FUBP3: variants seen among roughly 807,000 people sequenced by gnomAD.
The protein encoded by FUBP3 is far upstream element-binding protein 3.
FUBP3 carries 28 observed loss-of-function variants against 85.6 expected under a neutral mutation model. The ratio of observed to expected loss-of-function variants is 0.33; its 90% CI spans 0.24 to 0.45. The LOEUF (loss-of-function observed/expected upper bound fraction) is 0.45, where lower values mean the gene tolerates loss of function less well. Among genes scored for constraint, FUBP3 ranks in the 20% least tolerant of loss-of-function variants. The probability of loss-of-function intolerance (pLI) is 1.00; values close to 1 mark genes in which losing one functional copy is unlikely to be tolerated. For synonymous variants in FUBP3, 271 were observed against 271.4 expected, an observed-to-expected ratio of 1.00 and a Z score of 0.01; for missense variants, 583 against 755.1, an observed-to-expected ratio of 0.77 and a Z score of 2.67.
At chr9:130,627,871 A>G (rs1224083876) in intron 12 of FUBP3, among the ~76,000 whole-genome samples, 1 of 152,150 alleles carries the variant, frequency 6.6e-6, no homozygotes, top group Non-Finnish European at 1.5e-5. Flanking sequence ...CCTCACCATG[A>G]CAGGTTCTCA....
chr9:130,580,371 T>C (rs891053187), intron 1 of FUBP3, among the ~76,000 whole-genome samples: 1 of 152,224 alleles, frequency 6.6e-6, no homozygotes, highest in African/African-American at 2.4e-5. Flanking sequence ...CTTTACTGTC[T>C]GACAATGTCG....
chr9:130,623,721 G>A lies in FUBP3; in HGVS notation c.975+10G>A. ...GATTCTTACAGCCCAGGTGGGTCCA[G>A]CTCTGCAGAGTGTGAGTGTTTGGGC... On this transcript the variant is annotated intron_variant, in intron 11 of 18. Coordinates refer to ENST00000319725, the MANE Select transcript of FUBP3 (RefSeq NM_003934.2). 1 of 1,578,174 alleles carries A rather than the reference G, an allele frequency of 6.3e-7. No individual in the cohort carries two copies. Among genetic ancestry groups the A allele is most frequent in the Non-Finnish European group, 8.7e-7 (1 of 1,147,800 alleles).
At position 130,600,758 on chromosome 9, in the gene FUBP3, C is replaced by T. The variant is rs140017215; in HGVS notation, c.190+5170C>T. On this transcript the variant is annotated intron_variant, in intron 2 of 18. Transcript: ENST00000319725. The stretch of plus-strand genomic sequence containing the variant: ...GAGGCCGAGGTGGGAGGATTGCTTG[C>T]GTCCAGGAGTTTGAGACCAGCCTGG... Among the ~76,000 whole-genome samples the T allele has an allele frequency of 6.1e-3, 924 of 151,992 alleles. 14 individuals carry two copies. The highest frequency in any genetic ancestry group is 0.021 in the African/African-American group (876 of 41,486).
chr9:130,636,223 G>C, intron 18 of FUBP3, 97 bp downstream of exon 18: 1 of 1,272,388 alleles, frequency 7.9e-7, no homozygotes, highest in Middle Eastern at 2.0e-4. Context: ...AGAGCGCTGG[G>C]CTAGGAGGAA....
intron 1 of FUBP3, among the ~76,000 whole-genome samples, chr9:130,584,875 A>T (rs867587771): frequency 4.6e-5 from 7 of 150,560 alleles, no homozygotes; most frequent in Non-Finnish European, 8.9e-5. Context: ...TCCCAAAAAA[A>T]GTTTCGGTCA....
intron 1 of FUBP3, among the ~76,000 whole-genome samples, chr9:130,585,257 TGC>T (rs1190881394): frequency 1.3e-5 from 2 of 152,228 alleles, no homozygotes; most frequent in Non-Finnish European, 2.9e-5. Context: ...GAGTAGCTGC[TGC>T]GTTTTTGACA....
chr9:130,614,965 C>T (rs1406049862), intron 6 of FUBP3, among the ~76,000 whole-genome samples: 1 of 152,186 alleles, frequency 6.6e-6, no homozygotes, highest in African/African-American at 2.4e-5. Flanking sequence ...GAAAGGGAAA[C>T]ATACTGACTT....
chr9:130,623,590 G>A (rs749388894), intron 10 of FUBP3, 21 bp from the exon 11 acceptor site: 3 of 1,500,270 alleles, frequency 2.0e-6, no homozygotes, highest in East Asian at 2.3e-5. Context: ...TTCTAATCCT[G>A]TCTCTCACCT....
chr9:130,583,837 G>A (rs750083289), intron 1 of FUBP3, among the ~76,000 whole-genome samples: 2 of 152,236 alleles, frequency 1.3e-5, no homozygotes, highest in East Asian at 1.9e-4. Flanking sequence ...ATATTCCACT[G>A]TATGTCTCTA....
intron 1 of FUBP3, among the ~76,000 whole-genome samples, chr9:130,589,698 TATATA>T (rs1171717254): frequency 5.6e-4 from 18 of 32,314 alleles, no homozygotes; most frequent in African/African-American, 1.6e-3. Context: ...TATATATATA[TATATA>T]TATTTTTTTT....
At chr9:130,619,932 G>C (rs752828537) in intron 8 of FUBP3, among the ~76,000 whole-genome samples, 1 of 152,168 alleles carries the variant, frequency 6.6e-6, no homozygotes, top group Non-Finnish European at 1.5e-5. Flanking sequence ...AAAGTTCTCT[G>C]TCTCATGGAC....
chr9:130,613,361 A>G (rs186752581), intron 5 of FUBP3, among the ~76,000 whole-genome samples: 1 of 152,262 alleles, frequency 6.6e-6, no homozygotes, highest in Non-Finnish European at 1.5e-5. Flanking sequence ...TAGGAATCCT[A>G]TGGCTTTGGG....
chr9:130,586,150 C>A (rs1830328044), intron 1 of FUBP3, among the ~76,000 whole-genome samples: 2 of 152,180 alleles, frequency 1.3e-5, no homozygotes, highest in South Asian at 4.1e-4. Context: ...CCGCCACTCC[C>A]AGCCTACATT....
At chr9:130,587,826 A>G (rs1344145051) in intron 1 of FUBP3, among the ~76,000 whole-genome samples, 3 of 152,208 alleles carry the variant, frequency 2.0e-5, no homozygotes, top group Admixed American at 6.5e-5. Flanking sequence ...GTGGGGAGAC[A>G]GTGTAACCAA....
At chr9:130,631,300 C>G in intron 13 of FUBP3, 1 of 1,380,412 alleles carries the variant, frequency 7.2e-7, no homozygotes, top group Non-Finnish European at 9.3e-7. Context: ...GCAGGTTGGT[C>G]CCTACCCCCA....
chr9:130,583,276 G>A (rs1213035470), intron 1 of FUBP3, among the ~76,000 whole-genome samples: 1 of 152,218 alleles, frequency 6.6e-6, no homozygotes, highest in African/African-American at 2.4e-5. Flanking sequence ...GTTTAAGCCT[G>A]AGCAGTAGGT....
chr9:130,607,793 G>A (rs558125548), intron 2 of FUBP3, among the ~76,000 whole-genome samples: 18 of 152,330 alleles, frequency 1.2e-4, no homozygotes, highest in Admixed American at 5.9e-4. Context: ...GCATGGAGGA[G>A]GGAGATGATT....
rs180927097 is a variant in FUBP3, at chr9:130,612,378, T to C, written c.225-78T>C. 1 of 834,766 alleles carries C rather than the reference T, an allele frequency of 1.2e-6. No individual in the cohort carries two copies. Among genetic ancestry groups the C allele is most frequent in the African/African-American group, 1.7e-5 (1 of 58,778 alleles). 51.7% of individuals were successfully genotyped at this position (834,766 alleles called of 1,614,324 possible). ...AGCTTTTATCATGCAACATTGCCAG[T>C]ATGGGCAGTTTGGGGACCTAAAATG... On this transcript the variant is annotated intron_variant, in intron 3 of 18. Transcript: ENST00000319725. The surrounding 1 kb of genome is among the most constrained non-coding windows in gnomAD (Gnocchi z 4.1).
At chr9:130,630,534 C>T in intron 12 of FUBP3, 94 bp from the exon 13 acceptor site, 1 of 982,528 alleles carries the variant, frequency 1.0e-6, no homozygotes, top group Non-Finnish European at 1.5e-6. Context: ...TGCACAAAAT[C>T]CCCCCGAGTT....
Sources: allele counts gnomAD v4.1 joint callset (sites outside exome capture counted in the v4.1 genomes callset), GRCh38; gene constraint gnomAD v4.1.1; non-coding constraint Gnocchi (gnomAD v3.1); transcripts MANE v1.5; gene names NCBI Gene and HGNC (gene_info 2026-07-23, HGNC 2026-07-21).